Variants in EXOC4 observed in about 807,000 individuals in gnomAD.
EXOC4 encodes the protein SEC8-like 1.
In EXOC4, 71 loss-of-function variants were observed where a neutral mutation model predicts 107.2. That is an observed-to-expected ratio of 0.66 (90% CI 0.55 to 0.81). EXOC4 has a LOEUF of 0.81. Among genes scored for constraint, EXOC4 ranks in the 30% least tolerant of loss-of-function variants. The pLI, the probability that EXOC4 is intolerant of heterozygous loss-of-function variation, is 0.00. For synonymous variants in EXOC4, 456 were observed against 441.2 expected, an observed-to-expected ratio of 1.03 and a Z score of -0.42; for missense variants, 1,108 against 1,189.6, an observed-to-expected ratio of 0.93 and a Z score of 1.01.
chr7:133,614,262 A>G (rs763500477), intron 9 of EXOC4, among the ~76,000 whole-genome samples: 1 of 152,182 alleles, frequency 6.6e-6, no homozygotes, highest in Non-Finnish European at 1.5e-5. Flanking sequence ...GAGATTTATG[A>G]TTGGGACTGC....
chr7:133,327,415 G>GT (rs894131467), intron 5 of EXOC4, among the ~76,000 whole-genome samples: 5 of 152,150 alleles, frequency 3.3e-5, no homozygotes, highest in Admixed American at 2.6e-4. Flanking sequence ...TTTTTGAAGG[G>GT]TTTTTTTGTG....
At chr7:133,538,202 G>A (rs1800310931) in intron 9 of EXOC4, among the ~76,000 whole-genome samples, 1 of 152,102 alleles carries the variant, frequency 6.6e-6, no homozygotes, top group African/African-American at 2.4e-5. Flanking sequence ...GAAAATAAGA[G>A]CATTCTTTTG....
chr7:133,576,981 C>A (rs926969394), intron 9 of EXOC4: 2 of 684,964 alleles, frequency 2.9e-6, no homozygotes, highest in Non-Finnish European at 2.1e-6. Context: ...AGATAATATG[C>A]CCGGGGTTGG....
intron 7 of EXOC4, among the ~76,000 whole-genome samples, chr7:133,462,537 C>A (rs1798619036): frequency 1.3e-5 from 2 of 152,140 alleles, no homozygotes; most frequent in South Asian, 4.1e-4. Context: ...CCCTCTGTTT[C>A]CTCATGCATG....
chr7:133,751,654 T>C (rs777612275), intron 10 of EXOC4, among the ~76,000 whole-genome samples: 2 of 152,190 alleles, frequency 1.3e-5, no homozygotes, highest in Non-Finnish European at 1.5e-5. Flanking sequence ...TTTATTTCTG[T>C]CAAAACCACA....
chr7:133,759,566 T>C (rs892779631), intron 10 of EXOC4, among the ~76,000 whole-genome samples: 1 of 152,228 alleles, frequency 6.6e-6, no homozygotes, highest in Non-Finnish European at 1.5e-5. Flanking sequence ...AACTTTTTCA[T>C]GGTTACATGA....
chr7:133,388,609 C>T (rs1796782116), intron 7 of EXOC4, among the ~76,000 whole-genome samples: 1 of 152,098 alleles, frequency 6.6e-6, no homozygotes, highest in Admixed American at 6.6e-5. Context: ...GAGATTGTGC[C>T]ACTGCACTCT....
At chr7:134,074,712 A>T in the EXOC4 span, among the ~76,000 whole-genome samples, 1 of 152,180 alleles carries the variant, frequency 6.6e-6, no homozygotes, top group East Asian at 1.9e-4. Context: ...TAGACTGCCA[A>T]GTGGAGGGAT....
intron 1 of EXOC4, among the ~76,000 whole-genome samples, chr7:133,259,597 ACT>A (rs1237707667): frequency 6.6e-6 from 1 of 152,036 alleles, no homozygotes; most frequent in East Asian, 1.9e-4. Flanking sequence ...AAAAAAAATC[ACT>A]CTATTGTTTT....
chr7:133,562,698 G>A (rs959735526), intron 9 of EXOC4, among the ~76,000 whole-genome samples: 4 of 152,200 alleles, frequency 2.6e-5, no homozygotes, highest in Admixed American at 2.0e-4. Flanking sequence ...AGGGCACTGA[G>A]TCATTGTAGT....
the EXOC4 span, among the ~76,000 whole-genome samples, chr7:134,093,265 G>T: frequency 6.6e-6 from 1 of 152,054 alleles, no homozygotes; most frequent in Non-Finnish European, 1.5e-5. Flanking sequence ...AAAAGCAGGG[G>T]TCACTCTTCT....
At chr7:133,782,558 A>T (rs1044623586) in intron 10 of EXOC4, among the ~76,000 whole-genome samples, 3 of 152,182 alleles carry the variant, frequency 2.0e-5, no homozygotes, top group Non-Finnish European at 4.4e-5. Context: ...GTCAAAGGAT[A>T]AGTTTCAAAT....
intron 10 of EXOC4, chr7:133,732,766 G>A (rs1795355701): frequency 1.2e-5 from 2 of 161,566 alleles, no homozygotes; most frequent in Non-Finnish European, 2.7e-5. Context: ...GCAGTTTTTG[G>A]GTCATGGTTT....
intron 7 of EXOC4, among the ~76,000 whole-genome samples, chr7:133,411,473 T>A (rs1797354839): frequency 6.6e-6 from 1 of 152,172 alleles, no homozygotes; most frequent in African/African-American, 2.4e-5. Context: ...AGAATAAACA[T>A]GCTATTAATA....
intron 10 of EXOC4, among the ~76,000 whole-genome samples, chr7:133,649,032 A>G (rs989599076): frequency 1.2e-4 from 19 of 152,158 alleles, no homozygotes; most frequent in African/African-American, 4.6e-4. Context: ...TAGTTTTACA[A>G]GCCTCAGTAT....
intron 10 of EXOC4, among the ~76,000 whole-genome samples, chr7:133,685,876 C>T (rs1794287561): frequency 1.3e-5 from 2 of 152,112 alleles, no homozygotes; most frequent in Non-Finnish European, 2.9e-5. Flanking sequence ...CCCTCACCTG[C>T]CTCTCACCTT....
At chr7:133,846,006 T>A (rs192975575) in intron 11 of EXOC4, among the ~76,000 whole-genome samples, 1 of 152,090 alleles carries the variant, frequency 6.6e-6, no homozygotes. Context: ...AACTGCCTTT[T>A]AATCCTCACA....
chr7:133,398,999 C>G (rs1347712951), intron 7 of EXOC4, among the ~76,000 whole-genome samples: 1 of 152,048 alleles, frequency 6.6e-6, no homozygotes, highest in African/African-American at 2.4e-5. Context: ...TTTACATTTC[C>G]AAAGTGCTTT....
rs185694910 is a variant in EXOC4, at chr7:133,920,246, G to A, written c.2027+2508G>A. The stretch of plus-strand genomic sequence containing the variant: ...ATTGGGTTATGGGTGTTCTTGTTCA[G>A]TTTTAAGAGTTATATGTATATTTTG... On this transcript the variant is annotated intron_variant, in intron 13 of 17. Coordinates refer to ENST00000253861, the MANE Select transcript of EXOC4 (RefSeq NM_021807.4). Among the ~76,000 whole-genome samples the A allele has an allele frequency of 3.0e-4, 46 of 152,244 alleles. 1 individual carries two copies. In the East Asian group the frequency reaches 6.4e-3, roughly 21 times the overall value.
Sources: allele counts gnomAD v4.1 joint callset (sites outside exome capture counted in the v4.1 genomes callset), GRCh38; gene constraint gnomAD v4.1.1; transcripts MANE v1.5; gene names NCBI Gene and HGNC (gene_info 2026-07-23, HGNC 2026-07-21).